Variants in MPDZ observed in about 807,000 individuals in gnomAD.
MPDZ encodes multiple PDZ domain crumbs cell polarity complex component.
A neutral mutation model predicts 239.1 loss-of-function variants in MPDZ; 234 were observed. The observed-to-expected ratio is 0.98, with a 90% CI of 0.88 to 1.09. The LOEUF is 1.09. Ranked by LOEUF, MPDZ falls within the 50% of genes least tolerant of loss-of-function variation. The probability of loss-of-function intolerance (pLI) is 0.00; values close to 1 mark genes in which losing one functional copy is unlikely to be tolerated. For synonymous variants in MPDZ, 1,048 were observed against 881.3 expected (o/e 1.19, Z -3.35); for missense variants, 3,175 against 2,510.0 (o/e 1.26, Z -5.66).
At chr9:13,153,491 T>A (rs1360624930) in intron 24 of MPDZ, among the ~76,000 whole-genome samples, 1 of 152,122 alleles carries the variant, frequency 6.6e-6, no homozygotes, top group South Asian at 2.1e-4. Flanking sequence ...CAGCCCAGTC[T>A]GGAGTGCAGT....
intron 19 of MPDZ, among the ~76,000 whole-genome samples, chr9:13,177,972 T>A (rs1005601592): frequency 6.6e-6 from 1 of 152,166 alleles, no homozygotes; most frequent in African/African-American, 2.4e-5. Context: ...ATATGCACAC[T>A]TAAAATGCTG....
At chr9:13,215,944 T>C (rs1362794144) in intron 10 of MPDZ, among the ~76,000 whole-genome samples, 1 of 123,534 alleles carries the variant, frequency 8.1e-6, no homozygotes, top group African/African-American at 3.4e-5. Flanking sequence ...TTCAGCAATT[T>C]GTTTTTTTTT....
chr9:13,185,439 T>A (rs1162352087), intron 18 of MPDZ, among the ~76,000 whole-genome samples: 1 of 152,064 alleles, frequency 6.6e-6, no homozygotes, highest in Non-Finnish European at 1.5e-5. Context: ...CTAATGAAAC[T>A]CAAACAAGTA....
intron 10 of MPDZ, among the ~76,000 whole-genome samples, chr9:13,206,977 C>T (rs1351139266): frequency 6.6e-6 from 1 of 152,110 alleles, no homozygotes; most frequent in Non-Finnish European, 1.5e-5. Context: ...CTGTGCCCTA[C>T]TTCTACTCCT....
rs1021205923 is a variant in MPDZ, at chr9:13,136,211, T to C, written c.4293-29A>G. On this transcript the variant is annotated intron_variant, in intron 30 of 46. Coordinates refer to ENST00000319217, the MANE Select transcript of MPDZ (RefSeq NM_001378778.1). ...AAAGCAAAAAAACAACAACCTATTA[T>C]AACATCATGGTATTATTTTCATTCT... The C allele has an allele frequency of 6.9e-6, 10 of 1,439,632 alleles. No homozygotes were observed. In the Middle Eastern group the frequency reaches 5.3e-4, roughly 76 times the overall value. 89.2% of individuals were successfully genotyped at this position (1,439,632 alleles called of 1,614,324 possible). A position where few individuals can be genotyped will look rare whatever the true frequency, so the allele number is the denominator to read the frequency against.
Position 13,119,659 on chromosome 9 carries a change from A to C in MPDZ, c.5232-10T>G, listed in dbSNP as rs1476349340. The C allele has an allele frequency of 6.2e-7, 1 of 1,613,728 alleles. No individual in the cohort carries two copies. The highest frequency in any genetic ancestry group is 8.5e-7 in the Non-Finnish European group (1 of 1,179,834). On this transcript the variant is annotated splice_polypyrimidine_tract_variant and intron_variant, in intron 38 of 46. Coordinates refer to ENST00000319217, the MANE Select transcript of MPDZ (RefSeq NM_001378778.1). The stretch of plus-strand genomic sequence containing the variant: ...TACTCCAGTATCGTTTCTACACACA[A>C]TTTTGAATTTCAACATTATCTTTTG...
chr9:13,252,353 G>T (rs371722992), intron 1 of MPDZ, among the ~76,000 whole-genome samples: 43 of 151,290 alleles, frequency 2.8e-4, no homozygotes, highest in African/African-American at 9.7e-4. Flanking sequence ...GGATCACGAG[G>T]TCAGGAGATC....
intron 12 of MPDZ, among the ~76,000 whole-genome samples, chr9:13,198,990 G>A (rs900839288): frequency 6.7e-6 from 1 of 150,204 alleles, no homozygotes; most frequent in Non-Finnish European, 1.5e-5. Flanking sequence ...TTGGTAGTAC[G>A]GATATTGTAA....
At position 13,216,556 on chromosome 9, in the gene MPDZ, G is replaced by T. The variant is rs1958372462; in HGVS notation, c.1290+218C>A. On this transcript the variant is annotated intron_variant, in intron 10 of 46. Transcript: ENST00000319217. ...ATATCAGGAATTATTCAAGAAGGAA[G>T]TCTCCCGTTTGGAACTGAGATGAGT... is the stretch of plus-strand genomic sequence containing the variant. 2.0e-5 allele frequency among the ~76,000 whole-genome samples: 3 copies of T among 151,812 alleles called. No individual in the cohort carries two copies. In the South Asian group the frequency reaches 6.2e-4, roughly 31 times the overall value.
intron 40 of MPDZ, 90 bp downstream of exon 40, chr9:13,115,158 G>C (rs535632286): frequency 9.1e-7 from 1 of 1,102,756 alleles, no homozygotes; most frequent in East Asian, 2.5e-5. Flanking sequence ...CAGGGGACCA[G>C]ACCTTGTACA....
At chr9:13,238,448 T>C (rs149353119) in intron 3 of MPDZ, among the ~76,000 whole-genome samples, 291 of 152,292 alleles carry the variant, frequency 1.9e-3, no homozygotes, top group African/African-American at 6.1e-3. Context: ...GCCTATAAAA[T>C]ATGCTGCAGT....
intron 3 of MPDZ, among the ~76,000 whole-genome samples, chr9:13,229,001 C>T (rs1961543592): frequency 6.6e-6 from 1 of 152,018 alleles, no homozygotes; most frequent in Non-Finnish European, 1.5e-5. Flanking sequence ...AATATGCCTT[C>T]CAGAAGAAAT....
chr9:13,205,655 G>T (rs747177841), intron 11 of MPDZ, among the ~76,000 whole-genome samples: 1 of 152,076 alleles, frequency 6.6e-6, no homozygotes, highest in Non-Finnish European at 1.5e-5. Flanking sequence ...TTCCAACTGA[G>T]AAATGGTGAC....
chr9:13,142,347 C>T (rs939924990), intron 27 of MPDZ, among the ~76,000 whole-genome samples: 6 of 152,060 alleles, frequency 3.9e-5, no homozygotes, highest in Non-Finnish European at 5.9e-5. Flanking sequence ...ACTAATAAAA[C>T]CAATATAAGC....
intron 1 of MPDZ, among the ~76,000 whole-genome samples, chr9:13,253,053 A>C (rs796707978): frequency 6.6e-6 from 1 of 152,194 alleles, no homozygotes; most frequent in Non-Finnish European, 1.5e-5. Context: ...CCTGACATAC[A>C]TGGGAGGTAG....
intron 1 of MPDZ, among the ~76,000 whole-genome samples, chr9:13,267,869 G>A (rs1035354743): frequency 3.9e-5 from 6 of 152,138 alleles, no homozygotes; most frequent in African/African-American, 1.2e-4. Context: ...CAGACGCACA[G>A]GAAGAACTGT....
At chr9:13,196,301 G>T (rs1399631427) in intron 12 of MPDZ, 71 bp from the exon 13 acceptor site, 4 of 1,086,490 alleles carry the variant, frequency 3.7e-6, no homozygotes, top group Non-Finnish European at 5.4e-6. Context: ...CCTGTACCAA[G>T]GATTCTCTGA....
intron 43 of MPDZ, among the ~76,000 whole-genome samples, chr9:13,110,968 A>G (rs1305432619): frequency 6.6e-6 from 1 of 152,210 alleles, no homozygotes; most frequent in Non-Finnish European, 1.5e-5. Context: ...AGAGGGAGGG[A>G]GAAGGAGAAA....
intron 24 of MPDZ, among the ~76,000 whole-genome samples, chr9:13,157,039 T>TG (rs1448834945): frequency 1.8e-5 from 2 of 113,934 alleles, no homozygotes; most frequent in African/African-American, 1.1e-4. Context: ...CATAAAATAG[T>TG]GTTTTTTATA....
Sources: gnomAD v4.1 joint callset for allele counts (sites outside exome capture counted in the v4.1 genomes callset) on GRCh38, gnomAD v4.1.1 for gene constraint, MANE v1.5 for transcripts, NCBI Gene and HGNC (gene_info 2026-07-23, HGNC 2026-07-21) for gene names.